SMR3B: variants seen among roughly 807,000 people sequenced by gnomAD.
SMR3B encodes the protein submaxillary gland androgen regulated protein 3B, also known as submaxillary gland androgen-regulated protein 3B.
For synonymous variants in SMR3B, 42 were observed against 36.1 expected, an observed-to-expected ratio of 1.16 and a Z score of -0.59; for missense variants, 114 against 99.9, an observed-to-expected ratio of 1.14 and a Z score of -0.60.
rs1732620674 is a variant in SMR3B, at chr4:70,384,502, A to G, written c.-9A>G. On this transcript the variant is annotated 5_prime_UTR_variant, in exon 2 of 3. Transcript: ENST00000304915. ...CCTATTGTGCTTACTTTCAGAGGCAACTGAAAGGATGAAATCACTGACTTG... is the reference window on the plus strand; with the variant it reads ...CCTATTGTGCTTACTTTCAGAGGCAGCTGAAAGGATGAAATCACTGACTTG... The G allele has an allele frequency of 6.2e-7, 1 of 1,605,134 alleles. No individual in the cohort carries two copies. The highest frequency in any genetic ancestry group is 8.5e-7 in the Non-Finnish European group (1 of 1,176,222).
chr4:70,384,417 T>C, intron 1 of SMR3B, 80 bp from the exon 2 acceptor site: 1 of 1,593,084 alleles, frequency 6.3e-7, no homozygotes, highest in African/African-American at 1.4e-5. Flanking sequence ...TATTACATTA[T>C]ATCCAAGTGT....
At position 70,387,161 on chromosome 4, in the gene SMR3B, G is replaced by T. The variant is rs1444684388; in HGVS notation, c.55-2502G>T. 2.0e-5 allele frequency among the ~76,000 whole-genome samples: 3 copies of T among 152,120 alleles called. 1 individual carries two copies. The highest frequency in any genetic ancestry group is 2.0e-4 in the Admixed American group (3 of 15,266). ...AGGTGACAAGAAAATCAACAACAAG[G>T]GTACCGGTGGTTGAAACTGAACCTT... On this transcript the variant is annotated intron_variant, in intron 2 of 2. Coordinates refer to ENST00000304915, the MANE Select transcript of SMR3B (RefSeq NM_006685.4).
chr4:70,386,754 A>G (rs1732673750), intron 2 of SMR3B, among the ~76,000 whole-genome samples: 1 of 152,160 alleles, frequency 6.6e-6, no homozygotes, highest in African/African-American at 2.4e-5. Context: ...TTAGGAGGCG[A>G]GGGCACTTTC....
At chr4:70,384,433 C>A in intron 1 of SMR3B, 64 bp from the exon 2 acceptor site, 1 of 1,592,590 alleles carries the variant, frequency 6.3e-7, no homozygotes, top group Non-Finnish European at 8.5e-7. Context: ...AGTGTTGAGA[C>A]ATTTTAAATA....
intron 2 of SMR3B, among the ~76,000 whole-genome samples, chr4:70,386,851 A>G (rs1732675235): frequency 6.6e-6 from 1 of 152,236 alleles, no homozygotes; most frequent in Non-Finnish European, 1.5e-5. Flanking sequence ...TTAAAAATCA[A>G]GTCCTGAACT....
intron 2 of SMR3B, among the ~76,000 whole-genome samples, chr4:70,386,099 G>A (rs1577876513): frequency 6.6e-6 from 1 of 151,460 alleles, no homozygotes; most frequent in Non-Finnish European, 1.5e-5. Flanking sequence ...ATGGTGAAAC[G>A]CTGTCTCTAC....
chr4:70,386,640 G>A (rs1014699381), intron 2 of SMR3B, among the ~76,000 whole-genome samples: 21 of 152,012 alleles, frequency 1.4e-4, no homozygotes, highest in Non-Finnish European at 2.8e-4. Flanking sequence ...TTCTGAGTTC[G>A]TTACCTTTAG....
chr4:70,385,810 A>G (rs971884259), intron 2 of SMR3B, among the ~76,000 whole-genome samples: 2 of 152,134 alleles, frequency 1.3e-5, no homozygotes, highest in African/African-American at 2.4e-5. Context: ...AATTTTTAAT[A>G]AACCAATAAA....
intron 2 of SMR3B, among the ~76,000 whole-genome samples, chr4:70,389,234 A>G (rs1255416721): frequency 6.6e-6 from 1 of 152,116 alleles, no homozygotes; most frequent in Non-Finnish European, 1.5e-5. Flanking sequence ...AGGTGTGCCC[A>G]CTGCTGTATT....
chr4:70,384,799 G>A, intron 2 of SMR3B: 1 of 637,050 alleles, frequency 1.6e-6, no homozygotes, highest in Non-Finnish European at 2.4e-6. Flanking sequence ...GCATTAAACA[G>A]ATACGTATAA....
At chr4:70,383,796 T>G (rs1222110332) in intron 1 of SMR3B, among the ~76,000 whole-genome samples, 1 of 152,100 alleles carries the variant, frequency 6.6e-6, no homozygotes, top group Non-Finnish European at 1.5e-5. Flanking sequence ...TTCCCAAAAA[T>G]CAAGCTATCA....
At position 70,384,574 on chromosome 4, in the gene SMR3B, A is replaced by G. The variant is rs557262892; in HGVS notation, c.54+10A>G. On this transcript the variant is annotated intron_variant, in intron 2 of 2. Coordinates refer to ENST00000304915, the MANE Select transcript of SMR3B (RefSeq NM_006685.4). The stretch of plus-strand genomic sequence containing the variant: ...TGCAGCGTGTTTCACAGTAAGTATC[A>G]TTAATCACGATCACACTTCTTTATA... The G allele has an allele frequency of 6.3e-7, 1 of 1,595,742 alleles. No individual in the cohort carries two copies. Among genetic ancestry groups the G allele is most frequent in the Non-Finnish European group, 8.5e-7 (1 of 1,171,210 alleles).
chr4:70,389,782 A>G lies in SMR3B; in HGVS notation c.174A>G (p.Arg58=), dbSNP rs757293958. 6.2e-6 allele frequency: 10 copies of G among 1,613,644 alleles called. 1 individual carries two copies. In the South Asian group the frequency reaches 1.1e-4, roughly 18 times the overall value. The change falls in exon 3 of 3, where the codon AGA becomes AGG. Residue 58 remains arginine (R), a synonymous_variant. Transcript: ENST00000304915. ...PPPPPPYGPG[R]IPPPPPAPYG... ...CTCCTCCACCCTATGGTCCAGGGAG[A>G]ATCCCACCTCCTCCTCCCGCACCCT...
At chr4:70,388,218 A>G (rs1006628606) in intron 2 of SMR3B, among the ~76,000 whole-genome samples, 2 of 152,046 alleles carry the variant, frequency 1.3e-5, no homozygotes, top group African/African-American at 4.8e-5. Context: ...TTTCCTATCC[A>G]GAACTGATCG....
intron 2 of SMR3B, among the ~76,000 whole-genome samples, chr4:70,387,414 T>C (rs115060144): frequency 2.6e-3 from 395 of 152,100 alleles, no homozygotes; most frequent in Non-Finnish European, 4.9e-3. Context: ...GCCAATAGGA[T>C]TGTGGGGGAG....
chr4:70,386,286 A>AAC (rs1732664927), intron 2 of SMR3B, among the ~76,000 whole-genome samples: 1 of 151,268 alleles, frequency 6.6e-6, no homozygotes, highest in Admixed American at 6.6e-5. Context: ...AAAAAAAAAA[A>AAC]AGAAAAAAGA....
intron 2 of SMR3B, among the ~76,000 whole-genome samples, chr4:70,386,410 G>GTA (rs1363995951): frequency 6.6e-6 from 1 of 151,704 alleles, no homozygotes; most frequent in African/African-American, 2.4e-5. Flanking sequence ...AATATGAAGG[G>GTA]TAGCATGTCC....
In SMR3B at chr4:70,389,451, A is replaced by G. The variant is rs139113611; in HGVS notation, c.55-212A>G. Reference sequence around the variant, plus strand: ...ATTCAAAGCCCAGAGAAAAACATTTACTGCAGCTTCAAATCTCTCTGATTT... The same window carrying G: ...ATTCAAAGCCCAGAGAAAAACATTTGCTGCAGCTTCAAATCTCTCTGATTT... On this transcript the variant is annotated intron_variant, in intron 2 of 2. Transcript: ENST00000304915. Among the ~76,000 whole-genome samples, 119 of 152,212 alleles carry G rather than the reference A, an allele frequency of 7.8e-4. No individual in the cohort carries two copies. The East Asian group carries it at 0.021, about 27-fold the overall frequency.
intron 2 of SMR3B, among the ~76,000 whole-genome samples, chr4:70,386,281 A>AAG (rs1732664578): frequency 6.6e-6 from 1 of 151,502 alleles, no homozygotes; most frequent in South Asian, 2.1e-4. Context: ...TCAAAAAAAA[A>AAG]AAAAAAGAAA....
Sources: gnomAD v4.1 joint callset for allele counts (sites outside exome capture counted in the v4.1 genomes callset) on GRCh38, gnomAD v4.1.1 for gene constraint, MANE v1.5 for transcripts, NCBI Gene and HGNC (gene_info 2026-07-23, HGNC 2026-07-21) for gene names.